UCHL5: variants seen among roughly 807,000 people sequenced by gnomAD.
UCHL5 encodes the protein ubiquitin carboxyl-terminal hydrolase isozyme L5.
A neutral mutation model predicts 53.8 loss-of-function variants in UCHL5; 34 were observed. The ratio of observed to expected loss-of-function variants is 0.63; its 90% CI spans 0.48 to 0.84. The LOEUF (loss-of-function observed/expected upper bound fraction) is 0.84. Ranked by LOEUF, UCHL5 falls within the 40% of genes least tolerant of loss-of-function variation. UCHL5 has a pLI of 0.00. For synonymous variants in UCHL5, 111 were observed against 126.3 expected (o/e 0.88, Z 0.81); for missense variants, 290 against 385.6 (o/e 0.75, Z 2.08).
At chr1:193,040,042 A>G (rs1160061313) in intron 3 of UCHL5, among the ~76,000 whole-genome samples, 1 of 152,192 alleles carries the variant, frequency 6.6e-6, no homozygotes, top group Non-Finnish European at 1.5e-5. Flanking sequence ...TTATGAAGCT[A>G]CTATAAGAAA....
chr1:193,059,443 C>G, upstream of UCHL5: 1 of 1,610,160 alleles, frequency 6.2e-7, no homozygotes, highest in African/African-American at 1.3e-5. The surrounding 1 kb of genome is among the most constrained non-coding windows in gnomAD (Gnocchi z 4.9). Flanking sequence ...GGAGGACGCT[C>G]TAGCCACCCT....
rs376391340 is a variant in UCHL5 at position 193,050,695 on chromosome 1, G to A, written c.141-844C>T. Reference sequence around the variant, plus strand: ...CGGGAGGCAGAGACTGCAGTGAGCCGAAATCGCACCACTGCACTGCAACCT... The same window carrying A: ...CGGGAGGCAGAGACTGCAGTGAGCCAAAATCGCACCACTGCACTGCAACCT... On this transcript the variant is annotated intron_variant, in intron 2 of 10. Coordinates refer to ENST00000367454, the MANE Select transcript of UCHL5 (RefSeq NM_001199261.3). 4.1e-4 allele frequency among the ~76,000 whole-genome samples: 62 copies of A among 151,208 alleles called. No homozygotes were observed. The East Asian group carries it at 0.011, about 27-fold the overall frequency.
At chr1:193,017,072 G>A (rs1280244574) in intron 10 of UCHL5, among the ~76,000 whole-genome samples, 3 of 151,702 alleles carry the variant, frequency 2.0e-5, no homozygotes, top group Non-Finnish European at 4.4e-5. Context: ...ATGCTTTATA[G>A]CATTGCTTCT....
rs955717888 is a variant in UCHL5, at chr1:193,016,054, A to G, written c.*297T>C. The G allele has an allele frequency of 3.1e-6, 1 of 323,494 alleles. No homozygotes were observed. Among genetic ancestry groups the G allele is most frequent in the African/African-American group, 2.2e-5 (1 of 46,482 alleles). The allele number at this position is 323,494 out of a possible 1,614,324, so 20.0% of individuals were successfully genotyped here. A position where few individuals can be genotyped will look rare whatever the true frequency, so the allele number is the denominator to read the frequency against. On this transcript the variant is annotated 3_prime_UTR_variant, in exon 11 of 11. Transcript: ENST00000367454. Reference sequence around the variant, plus strand: ...TACAGATAAGGAATATCGTTTGTGCATTTTCTAGCTTCATATGGTAGTTAG... The same window carrying G: ...TACAGATAAGGAATATCGTTTGTGCGTTTTCTAGCTTCATATGGTAGTTAG...
In UCHL5 at chr1:193,014,531, A is replaced by T. The variant is rs1654611608; in HGVS notation, c.*1820T>A. On this transcript the variant is annotated 3_prime_UTR_variant, in exon 11 of 11. Coordinates refer to ENST00000367454, the MANE Select transcript of UCHL5 (RefSeq NM_001199261.3). ...TAAGAAACCTTTGGCTAACCCCCCAAGTCACAAAAATATCATCTGTTTTCA... is the reference window on the plus strand; with the variant it reads ...TAAGAAACCTTTGGCTAACCCCCCATGTCACAAAAATATCATCTGTTTTCA... 6.6e-6 allele frequency: 1 copy of T among 152,114 alleles called. No homozygotes were observed. Among genetic ancestry groups the T allele is most frequent in the South Asian group, 2.1e-4 (1 of 4,828 alleles). 9.4% of individuals were successfully genotyped at this position (152,114 alleles called of 1,614,324 possible). A position where few individuals can be genotyped will look rare whatever the true frequency, so the allele number is the denominator to read the frequency against.
rs558988359 is a variant in UCHL5 at position 193,016,275 on chromosome 1, T to A, written c.*76A>T. 30 of 1,551,724 alleles carry A rather than the reference T, an allele frequency of 1.9e-5. 3 individuals carry two copies. The Middle Eastern group carries it at 1.0e-3, about 53-fold the overall frequency. Reference sequence around the variant, plus strand: ...TGCACTGAGCCAATTAGGATGTTGCTCTAAGTTCTTTATACATAATGGTTT... The same window carrying A: ...TGCACTGAGCCAATTAGGATGTTGCACTAAGTTCTTTATACATAATGGTTT... On this transcript the variant is annotated 3_prime_UTR_variant, in exon 11 of 11. Coordinates refer to ENST00000367454, the MANE Select transcript of UCHL5 (RefSeq NM_001199261.3).
chr1:193,056,627 C>T (rs756025419), intron 1 of UCHL5, among the ~76,000 whole-genome samples: 3 of 152,174 alleles, frequency 2.0e-5, no homozygotes, highest in Non-Finnish European at 4.4e-5. Flanking sequence ...TTTAATGATA[C>T]TACATTCTAC....
intron 7 of UCHL5, among the ~76,000 whole-genome samples, chr1:193,025,576 G>T (rs1658881670): frequency 6.6e-6 from 1 of 152,054 alleles, no homozygotes; most frequent in Non-Finnish European, 1.5e-5. Context: ...CTCTGCTGGG[G>T]GCTAGAACAC....
At chr1:193,019,836 C>A (rs889235667) in intron 10 of UCHL5, 1 of 947,224 alleles carries the variant, frequency 1.1e-6, no homozygotes, top group Non-Finnish European at 1.3e-6. Context: ...AAAATTTATA[C>A]ATTTAATATT....
intron 1 of UCHL5, among the ~76,000 whole-genome samples, chr1:193,053,164 T>C (rs531515342): frequency 6.6e-6 from 1 of 152,288 alleles, no homozygotes; most frequent in South Asian, 2.1e-4. Flanking sequence ...TTAAGAATAA[T>C]AGACATTCAC....
chr1:193,028,350 T>C (rs946544954), intron 6 of UCHL5, among the ~76,000 whole-genome samples: 1 of 152,114 alleles, frequency 6.6e-6, no homozygotes, highest in Non-Finnish European at 1.5e-5. Context: ...TTTTTAAATA[T>C]AGAGGCAGCA....
At chr1:193,023,763 TTA>T in intron 8 of UCHL5, 79 bp downstream of exon 8, 5 of 1,070,624 alleles carry the variant, frequency 4.7e-6, no homozygotes, top group East Asian at 2.7e-5. Context: ...GACCACTTGA[TTA>T]TATATATATT....
chr1:193,024,328 T>C lies in UCHL5; in HGVS notation c.630-382A>G, dbSNP rs1658330516. Among the ~76,000 whole-genome samples, 4 of 151,702 alleles carry C rather than the reference T, an allele frequency of 2.6e-5. No individual in the cohort carries two copies. The South Asian group carries it at 8.3e-4, about 31-fold the overall frequency. On this transcript the variant is annotated intron_variant, in intron 7 of 10. Transcript: ENST00000367454. Reference sequence around the variant, plus strand: ...GGCTAAATTCCATCAATCACAAATGTTTTTTAAATATTCTAAAATAATGTC... The same window carrying C: ...GGCTAAATTCCATCAATCACAAATGCTTTTTAAATATTCTAAAATAATGTC...
intron 7 of UCHL5, among the ~76,000 whole-genome samples, chr1:193,026,804 T>C (rs1023386516): frequency 6.6e-6 from 1 of 152,128 alleles, no homozygotes; most frequent in African/African-American, 2.4e-5. Flanking sequence ...ACAAAAACGT[T>C]TATTGTAGCT....
Position 193,059,157 on chromosome 1 carries a change from G to C in UCHL5, c.76+28C>G. The C allele has an allele frequency of 6.5e-7, 1 of 1,538,872 alleles. No individual in the cohort carries two copies. Among genetic ancestry groups the C allele is most frequent in the Non-Finnish European group, 8.8e-7 (1 of 1,138,292 alleles). ...GCTTGGGCCTCCTCCCGTGACCCCA[G>C]GCCCAGGACGGTCCCCTTGGTTCTC... On this transcript the variant is annotated intron_variant, in intron 1 of 10. Coordinates refer to ENST00000367454, the MANE Select transcript of UCHL5 (RefSeq NM_001199261.3). The surrounding 1 kb of genome is among the most constrained non-coding windows in gnomAD (Gnocchi z 4.9).
At chr1:193,049,689 G>C (rs1417305474) in intron 3 of UCHL5, 57 bp downstream of exon 3, 30 of 1,382,474 alleles carry the variant, frequency 2.2e-5, no homozygotes, top group Non-Finnish European at 9.9e-7. Context: ...GTAAACTAGA[G>C]TCTTGTTTAT....
chr1:193,051,545 T>G (rs1382844161), intron 2 of UCHL5, among the ~76,000 whole-genome samples: 1 of 151,400 alleles, frequency 6.6e-6, no homozygotes, highest in Non-Finnish European at 1.5e-5. Flanking sequence ...GCCTTAGGTT[T>G]GACTCCCTTG....
chr1:193,013,005 G>A lies in UCHL5; in HGVS notation c.*3346C>T, dbSNP rs1357926555. 1 of 152,140 alleles carries A rather than the reference G, an allele frequency of 6.6e-6. No homozygotes were observed. The highest frequency in any genetic ancestry group is 1.5e-5 in the Non-Finnish European group (1 of 68,032). The allele number at this position is 152,140 out of a possible 1,614,324, so 9.4% of individuals were successfully genotyped here. ...AACTAAATAACATGCATGTTTGACT[G>A]ATCTAGGAATTCATACTACTCTAAA... On this transcript the variant is annotated 3_prime_UTR_variant, in exon 11 of 11. Coordinates refer to ENST00000367454, the MANE Select transcript of UCHL5 (RefSeq NM_001199261.3).
chr1:193,045,266 C>T (rs991726343), intron 3 of UCHL5, among the ~76,000 whole-genome samples: 3 of 152,152 alleles, frequency 2.0e-5, no homozygotes, highest in Admixed American at 6.5e-5. Flanking sequence ...GGAAGAAACA[C>T]AATTAATTAA....
Sources: gnomAD v4.1 joint callset for allele counts (sites outside exome capture counted in the v4.1 genomes callset) on GRCh38, gnomAD v4.1.1 for gene constraint, Gnocchi (gnomAD v3.1) non-coding constraint, MANE v1.5 for transcripts, NCBI Gene and HGNC (gene_info 2026-07-23, HGNC 2026-07-21) for gene names.